The following PCDHGA1 variants were observed in gnomAD, a reference collection of about 807,000 sequenced individuals.
PCDHGA1 encodes protocadherin gamma-A1.
PCDHGA1 carries 32 observed loss-of-function variants against 58.0 expected under a neutral mutation model. That is an observed-to-expected ratio of 0.55 (90% confidence interval 0.42 to 0.74). The LOEUF (loss-of-function observed/expected upper bound fraction) is 0.74, where lower values mean the gene tolerates loss of function less well. PCDHGA1 is among the 30% of genes least tolerant of loss of function. The pLI, the probability that PCDHGA1 is intolerant of heterozygous loss-of-function variation, is 0.00. For synonymous variants in PCDHGA1, 498 were observed against 501.1 expected (o/e 0.99, Z 0.08); for missense variants, 1,205 against 1,182.3 (o/e 1.02, Z -0.28).
intron 1 of PCDHGA1, among the ~76,000 whole-genome samples, chr5:141,443,764 C>A (rs1351060316): frequency 6.6e-6 from 1 of 151,708 alleles, no homozygotes; most frequent in Non-Finnish European, 1.5e-5. Flanking sequence ...TTACAATATA[C>A]AATATTACCA....
At chr5:141,425,987 G>A (rs1304785231) in intron 1 of PCDHGA1, among the ~76,000 whole-genome samples, 1 of 152,188 alleles carries the variant, frequency 6.6e-6, no homozygotes, top group Non-Finnish European at 1.5e-5. Flanking sequence ...GAATCCCATT[G>A]AATTAGCAAA....
rs1379023118 is a variant in PCDHGA1, at chr5:141,487,609, G to A, written c.2422-7198G>A. ...GCCCACCCTCTGATCTTCTCTATGG[G>A]CTAGAGGTGAGACCTTTGCAGGCTC... On this transcript the variant is annotated intron_variant, in intron 1 of 3. Transcript: ENST00000517417. The surrounding 1 kb of genome is among the most constrained non-coding windows in gnomAD (Gnocchi z 5.0). 1 of 1,614,202 alleles carries A rather than the reference G, an allele frequency of 6.2e-7. No individual in the cohort carries two copies. The highest frequency in any genetic ancestry group is 1.1e-5 in the South Asian group (1 of 91,084).
In PCDHGA1 at chr5:141,370,188, T is replaced by G. The variant is rs1036214596; in HGVS notation, c.2421+37083T>G. ...AGAGGCGCCGGGTGCCGCTCTTGGCTAGTGCTGTGCAAAATATTGGCTCCT... is the reference window on the plus strand; with the variant it reads ...AGAGGCGCCGGGTGCCGCTCTTGGCGAGTGCTGTGCAAAATATTGGCTCCT... On this transcript the variant is annotated intron_variant, in intron 1 of 3. Transcript: ENST00000517417. 2.9e-4 allele frequency: 151 copies of G among 511,926 alleles called. 1 individual carries two copies. In the East Asian group the frequency reaches 4.2e-3, roughly 14 times the overall value. 31.7% of individuals were successfully genotyped at this position (511,926 alleles called of 1,614,324 possible).
chr5:141,474,019 A>G (rs923131322), intron 1 of PCDHGA1, among the ~76,000 whole-genome samples: 4 of 152,134 alleles, frequency 2.6e-5, no homozygotes, highest in Non-Finnish European at 4.4e-5. Flanking sequence ...ACAGTGAGCT[A>G]TGATTATTCC....
In PCDHGA1 at chr5:141,388,840, C is replaced by A. The variant is rs764876092; in HGVS notation, c.2421+55735C>A. The stretch of plus-strand genomic sequence containing the variant: ...AAAGAATATTCCATAGTTTTGGAAG[C>A]AAGGGACGGTGGAGGAATGATTGCG... On this transcript the variant is annotated intron_variant, in intron 1 of 3. Coordinates refer to ENST00000517417, the MANE Select transcript of PCDHGA1 (RefSeq NM_018912.3). 4 of 1,613,900 alleles carry A rather than the reference C, an allele frequency of 2.5e-6. No homozygotes were observed. The South Asian group carries it at 4.4e-5, about 18-fold the overall frequency.
intron 1 of PCDHGA1, chr5:141,356,192 G>A: frequency 6.2e-7 from 1 of 1,610,042 alleles, no homozygotes; most frequent in Non-Finnish European, 8.5e-7. Context: ...CGAGCTAGAA[G>A]CAAGGTACTG....
intron 1 of PCDHGA1, among the ~76,000 whole-genome samples, chr5:141,458,500 T>G (rs2098947037): frequency 6.6e-6 from 1 of 151,442 alleles, no homozygotes; most frequent in Admixed American, 6.6e-5. Context: ...CTGTACATAC[T>G]GTTTGACACT....
chr5:141,363,651 T>C (rs772337570), intron 1 of PCDHGA1, among the ~76,000 whole-genome samples: 15 of 152,250 alleles, frequency 9.9e-5, no homozygotes, highest in Non-Finnish European at 2.2e-4. Context: ...GTAACAAAGA[T>C]CTTTATTTCT....
intron 1 of PCDHGA1, among the ~76,000 whole-genome samples, chr5:141,481,065 A>AAAAG (rs1476331686): frequency 6.6e-6 from 1 of 152,164 alleles, no homozygotes; most frequent in African/African-American, 2.4e-5. Context: ...CTCAAAAACA[A>AAAAG]AAAGAAAGAA....
intron 1 of PCDHGA1, among the ~76,000 whole-genome samples, chr5:141,335,034 A>G (rs181754419): frequency 1.3e-5 from 2 of 152,318 alleles, no homozygotes; most frequent in Admixed American, 6.5e-5. Flanking sequence ...ACACACTGTT[A>G]TTTTTTAAGG....
chr5:141,344,561 CT>C, intron 1 of PCDHGA1: 1 of 1,614,022 alleles, frequency 6.2e-7, no homozygotes, highest in Non-Finnish European at 8.5e-7. Flanking sequence ...GCCCCAATGA[CT>C]ACTTCTCTCT....
intron 1 of PCDHGA1, chr5:141,351,461 G>T: frequency 6.2e-7 from 1 of 1,613,570 alleles, no homozygotes; most frequent in South Asian, 1.1e-5. Flanking sequence ...TTACAAGCTG[G>T]TGATTGCTGG....
chr5:141,418,751 A>G (rs2096284782), intron 1 of PCDHGA1: 2 of 1,613,840 alleles, frequency 1.2e-6, no homozygotes, highest in African/African-American at 2.7e-5. Context: ...GGATTACACT[A>G]CAGGAAACAT....
intron 1 of PCDHGA1, 60 bp downstream of exon 1, chr5:141,333,165 A>C (rs375017757): frequency 1.5e-5 from 24 of 1,609,046 alleles, no homozygotes; most frequent in East Asian, 2.2e-5. Context: ...GATTTAACTT[A>C]CTAGCGTTCG....
At chr5:141,365,006 A>G in intron 1 of PCDHGA1, 1 of 1,613,882 alleles carries the variant, frequency 6.2e-7, no homozygotes, top group Non-Finnish European at 8.5e-7. Flanking sequence ...CTCCGGCACC[A>G]CGCACATCCG....
chr5:141,389,058 A>G, intron 1 of PCDHGA1: 2 of 1,614,020 alleles, frequency 1.2e-6, no homozygotes, highest in Non-Finnish European at 1.7e-6. Flanking sequence ...TCCATTTAAA[A>G]TATTAACTTC....
At chr5:141,383,978 C>T in intron 1 of PCDHGA1, 1 of 1,613,752 alleles carries the variant, frequency 6.2e-7, no homozygotes, top group Non-Finnish European at 8.5e-7. Context: ...CCTGAAGACA[C>T]ACCTCTTGGG....
At chr5:141,392,649 C>T in intron 1 of PCDHGA1, 1 of 703,200 alleles carries the variant, frequency 1.4e-6, no homozygotes, top group South Asian at 2.2e-5. Flanking sequence ...CACGAAGACC[C>T]GCAGATGCCA....
intron 1 of PCDHGA1, chr5:141,341,345 T>C (rs754282972): frequency 1.2e-6 from 2 of 1,614,238 alleles, no homozygotes; most frequent in Non-Finnish European, 8.5e-7. Context: ...GGATTTTTTA[T>C]CAGCGCCTCA....
Sources: allele counts gnomAD v4.1 joint callset (sites outside exome capture counted in the v4.1 genomes callset), GRCh38; gene constraint gnomAD v4.1.1; non-coding constraint Gnocchi (gnomAD v3.1); transcripts MANE v1.5; gene names NCBI Gene and HGNC (gene_info 2026-07-23, HGNC 2026-07-21).